EXOSC7: variants seen among roughly 807,000 people sequenced by gnomAD.
The protein encoded by EXOSC7 is exosome complex component RRP42.
In EXOSC7, 25 loss-of-function variants were observed where a neutral mutation model predicts 34.3. The ratio of observed to expected loss-of-function variants is 0.73; its 90% confidence interval spans 0.53 to 1.02. The LOEUF is 1.02. Among genes scored for constraint, EXOSC7 ranks in the 50% least tolerant of loss-of-function variants. The probability of loss-of-function intolerance (pLI) is 0.00; values close to 1 mark genes in which losing one functional copy is unlikely to be tolerated. For synonymous variants in EXOSC7, 130 were observed against 143.0 expected (o/e 0.91, Z 0.65); for missense variants, 370 against 368.5 (o/e 1.00, Z -0.03).
intron 1 of EXOSC7, among the ~76,000 whole-genome samples, chr3:44,983,433 T>G (rs184523443): frequency 2.6e-4 from 39 of 152,360 alleles, no homozygotes; most frequent in South Asian, 1.7e-3. Flanking sequence ...GCTTTCTAGA[T>G]GAAGAAACAG....
chr3:45,001,483 A>G, intron 4 of EXOSC7, 55 bp from the exon 5 acceptor site: 2 of 1,346,484 alleles, frequency 1.5e-6, no homozygotes, highest in East Asian at 2.3e-5. Flanking sequence ...GGTAATACCT[A>G]AAGTAATAAG....
Position 44,976,245 on chromosome 3 carries a change from G to A in EXOSC7, c.-33G>A. The A allele has an allele frequency of 4.6e-6, 7 of 1,526,904 alleles. No individual in the cohort carries two copies. Among genetic ancestry groups the A allele is most frequent in the Non-Finnish European group, 4.4e-6 (5 of 1,143,808 alleles). The allele number at this position is 1,526,904 out of a possible 1,614,324, so 94.6% of individuals were successfully genotyped here. A position where few individuals can be genotyped will look rare whatever the true frequency, so the allele number is the denominator to read the frequency against. ...CGGTCCAGAGGAGGGGACGCGCGCA[G>A]ATGACGTGCGGCTCGTGGGGCAGCT... is the stretch of plus-strand genomic sequence containing the variant. On this transcript the variant is annotated 5_prime_UTR_variant, in exon 1 of 8. Transcript: ENST00000265564.
intron 1 of EXOSC7, among the ~76,000 whole-genome samples, chr3:44,980,119 A>C (rs1479740307): frequency 6.6e-6 from 1 of 152,116 alleles, no homozygotes; most frequent in Non-Finnish European, 1.5e-5. Context: ...TCTTCGATAG[A>C]TGCAGGCACT....
chr3:44,983,267 G>A (rs1367895819), intron 1 of EXOSC7, among the ~76,000 whole-genome samples: 3 of 152,198 alleles, frequency 2.0e-5, no homozygotes, highest in African/African-American at 7.2e-5. Context: ...CTCTCTCAGG[G>A]TTGTTTTTGA....
chr3:44,998,484 G>A (rs1706788931), intron 4 of EXOSC7, among the ~76,000 whole-genome samples: 1 of 152,182 alleles, frequency 6.6e-6, no homozygotes, highest in African/African-American at 2.4e-5. Flanking sequence ...CACTTCAGAT[G>A]AAGGACAAAA....
intron 6 of EXOSC7, among the ~76,000 whole-genome samples, chr3:45,006,448 C>T (rs1203210841): frequency 1.5e-4 from 19 of 123,460 alleles, no homozygotes; most frequent in African/African-American, 3.0e-4. Flanking sequence ...CTCGCTCTGT[C>T]GCCCAGGCCG....
Position 45,007,337 on chromosome 3 carries a change from A to G in EXOSC7, c.616-83A>G, listed in dbSNP as rs1182834821. On this transcript the variant is annotated intron_variant, in intron 6 of 7. Coordinates refer to ENST00000265564, the MANE Select transcript of EXOSC7 (RefSeq NM_015004.4). ...CAGTGCAAATACTTTTGCCTGGTGT[A>G]GAGATTCCCACCACGAGGCCATCAG... 4 of 1,458,924 alleles carry G rather than the reference A, an allele frequency of 2.7e-6. No individual in the cohort carries two copies. The African/African-American group carries it at 5.6e-5, about 20-fold the overall frequency. 90.4% of individuals were successfully genotyped at this position (1,458,924 alleles called of 1,614,324 possible).
chr3:44,978,934 G>A (rs1706198200), intron 1 of EXOSC7, among the ~76,000 whole-genome samples: 1 of 152,192 alleles, frequency 6.6e-6, no homozygotes, highest in Non-Finnish European at 1.5e-5. Flanking sequence ...CATTGAATGG[G>A]TGATGTAAGC....
chr3:44,985,243 TCTATC>T, intron 1 of EXOSC7, among the ~76,000 whole-genome samples: 1 of 152,340 alleles, frequency 6.6e-6, no homozygotes, highest in South Asian at 2.1e-4. Flanking sequence ...CTTCTGGAGT[TCTATC>T]CTAAAGGCTT....
chr3:44,997,248 T>A lies in EXOSC7; in HGVS notation c.416T>A (p.Val139Glu). The change falls in exon 4 of 8, where the codon GTG becomes GAG. Residue 139 changes from valine (V) to glutamate (E), a missense_variant. Coordinates refer to ENST00000265564, the MANE Select transcript of EXOSC7 (RefSeq NM_015004.4). ...CACTGCTGGGTTCTCTATGTGGATG[T>A]GCTGGTGAGTATCATCGTGCTGTAC... ...REHCWVLYVD[V>E]LLLECGGNLF... 4.3e-6 allele frequency: 7 copies of A among 1,613,864 alleles called. No homozygotes were observed. Among genetic ancestry groups the A allele is most frequent in the Non-Finnish European group, 5.9e-6 (7 of 1,179,862 alleles).
At chr3:44,976,859 G>T (rs1706059642) in intron 1 of EXOSC7, among the ~76,000 whole-genome samples, 1 of 152,140 alleles carries the variant, frequency 6.6e-6, no homozygotes, top group Non-Finnish European at 1.5e-5. Context: ...CGAGGCGGGC[G>T]GATCACGAGG....
At chr3:44,985,457 TCTTC>T (rs1190685606) in intron 1 of EXOSC7, among the ~76,000 whole-genome samples, 2 of 151,950 alleles carry the variant, frequency 1.3e-5, no homozygotes, top group East Asian at 3.9e-4. Context: ...GCTCGGAGTT[TCTTC>T]CTTCTGGTGG....
chr3:44,981,071 A>C, intron 1 of EXOSC7, among the ~76,000 whole-genome samples: 1 of 152,140 alleles, frequency 6.6e-6, no homozygotes, highest in East Asian at 1.9e-4. Context: ...CTCACCTACA[A>C]AATACAGATT....
chr3:44,987,056 C>T (rs1025475430), intron 1 of EXOSC7, among the ~76,000 whole-genome samples: 15 of 140,886 alleles, frequency 1.1e-4, no homozygotes, highest in African/African-American at 2.7e-4. Context: ...CATGAGCCAA[C>T]GTGGAATGAT....
Position 45,005,272 on chromosome 3 carries a change from C to T in EXOSC7, c.492-19C>T. 6.2e-7 allele frequency: 1 copy of T among 1,613,552 alleles called. No individual in the cohort carries two copies. Among genetic ancestry groups the T allele is most frequent in the Non-Finnish European group, 8.5e-7 (1 of 1,179,648 alleles). ...TTTCCTCCTCCAAGTGGGAATTTTACTAGTGCTTCTGCTTCCAGGATACCA... is the reference window on the plus strand; with the variant it reads ...TTTCCTCCTCCAAGTGGGAATTTTATTAGTGCTTCTGCTTCCAGGATACCA... On this transcript the variant is annotated intron_variant, in intron 5 of 7. Coordinates refer to ENST00000265564, the MANE Select transcript of EXOSC7 (RefSeq NM_015004.4).
At chr3:45,003,859 C>T (rs765444530) in intron 5 of EXOSC7, among the ~76,000 whole-genome samples, 1 of 152,152 alleles carries the variant, frequency 6.6e-6, no homozygotes, top group Non-Finnish European at 1.5e-5. Context: ...TTTGTGTCTG[C>T]CTCATTCACT....
chr3:44,989,747 T>G (rs1027038113), intron 3 of EXOSC7, 103 bp downstream of exon 3: 1 of 849,976 alleles, frequency 1.2e-6, no homozygotes, highest in African/African-American at 1.7e-5. Flanking sequence ...TTTATACTTA[T>G]CATTCAGCCA....
rs549500671 is a variant in EXOSC7 at position 45,007,563 on chromosome 3, C to T, written c.759C>T (p.Phe253=). The change falls in exon 7 of 8, where the codon TTC becomes TTT. Residue 253 remains phenylalanine, a synonymous_variant. Coordinates refer to ENST00000265564, the MANE Select transcript of EXOSC7 (RefSeq NM_015004.4). ...GKGSLDPESI[F]EMMETGKRVG... ...GCAGCCTGGACCCAGAGAGCATCTT[C>T]GAGATGATGGAGGTGAGGCCTTAGT... is the stretch of plus-strand genomic sequence containing the variant. 1.5e-5 allele frequency: 24 copies of T among 1,608,548 alleles called. No homozygotes were observed. Among genetic ancestry groups the T allele is most frequent in the South Asian group, 1.2e-4 (11 of 90,040 alleles).
intron 1 of EXOSC7, among the ~76,000 whole-genome samples, chr3:44,984,447 A>C (rs1437555490): frequency 6.6e-6 from 1 of 151,894 alleles, no homozygotes; most frequent in Non-Finnish European, 1.5e-5. Context: ...AGCCTGGGTG[A>C]CAGAGTGAGA....
Sources: allele counts gnomAD v4.1 joint callset (sites outside exome capture counted in the v4.1 genomes callset), GRCh38; gene constraint gnomAD v4.1.1; transcripts MANE v1.5; gene names NCBI Gene and HGNC (gene_info 2026-07-23, HGNC 2026-07-21).